The following GABBR2 variants were observed in gnomAD, a reference collection of about 807,000 sequenced individuals.
The protein encoded by GABBR2 is G-protein coupled receptor 51.
In GABBR2, 23 loss-of-function variants were observed where a neutral mutation model predicts 105.6. The ratio of observed to expected loss-of-function variants is 0.22; its 90% CI spans 0.16 to 0.31. GABBR2 has a LOEUF of 0.31. Ranked by LOEUF, GABBR2 falls within the 10% of genes least tolerant of loss-of-function variation. The pLI is 1.00. For synonymous variants in GABBR2, 478 were observed against 499.7 expected, an observed-to-expected ratio of 0.96 and a Z score of 0.58; for missense variants, 734 against 1,245.5, an observed-to-expected ratio of 0.59 and a Z score of 6.18.
chr9:98,522,200 G>C (rs1445095435), intron 3 of GABBR2, among the ~76,000 whole-genome samples: 1 of 152,028 alleles, frequency 6.6e-6, no homozygotes, highest in African/African-American at 2.4e-5. Flanking sequence ...CTCACAATGT[G>C]AAGGAAAAGG....
At chr9:98,578,639 T>A (rs1828954727) in intron 1 of GABBR2, among the ~76,000 whole-genome samples, 1 of 152,146 alleles carries the variant, frequency 6.6e-6, no homozygotes, top group African/African-American at 2.4e-5. Flanking sequence ...AGGCAGGGAC[T>A]TGAAGAGATA....
At chr9:98,364,938 AC>A (rs1831649964) in intron 12 of GABBR2, among the ~76,000 whole-genome samples, 1 of 152,094 alleles carries the variant, frequency 6.6e-6, no homozygotes, top group Non-Finnish European at 1.5e-5. Context: ...AATTAAGTGG[AC>A]CTGAGTTAGA....
chr9:98,414,065 T>C (rs1832640446), intron 7 of GABBR2, among the ~76,000 whole-genome samples: 1 of 152,230 alleles, frequency 6.6e-6, no homozygotes, highest in Non-Finnish European at 1.5e-5. Flanking sequence ...AAAATCAACA[T>C]GGTCCTAGAT....
chr9:98,343,164 C>T (rs2131409798), intron 13 of GABBR2, among the ~76,000 whole-genome samples: 1 of 152,300 alleles, frequency 6.6e-6, no homozygotes, highest in South Asian at 2.1e-4. Context: ...CTGAAATATC[C>T]CTTTGTCCCA....
chr9:98,332,276 G>A (rs1831041252), intron 13 of GABBR2, among the ~76,000 whole-genome samples: 1 of 152,206 alleles, frequency 6.6e-6, no homozygotes, highest in African/African-American at 2.4e-5. Context: ...TTTGCTCTTG[G>A]CAGCAGTGCA....
At chr9:98,366,678 G>A (rs911791940) in intron 12 of GABBR2, among the ~76,000 whole-genome samples, 4 of 152,220 alleles carry the variant, frequency 2.6e-5, no homozygotes, top group African/African-American at 9.6e-5. Flanking sequence ...AATACAGCAT[G>A]GATGGTGCCC....
At chr9:98,510,355 G>A (rs1189342156) in intron 3 of GABBR2, among the ~76,000 whole-genome samples, 1 of 152,208 alleles carries the variant, frequency 6.6e-6, no homozygotes, top group South Asian at 2.1e-4. Flanking sequence ...GGAAGAAACT[G>A]CATCAACTAA....
intron 1 of GABBR2, among the ~76,000 whole-genome samples, chr9:98,592,494 G>A (rs1325260924): frequency 6.6e-6 from 1 of 152,170 alleles, no homozygotes; most frequent in African/African-American, 2.4e-5. Flanking sequence ...AACAGAGGAG[G>A]AAAGACAGGT....
intron 1 of GABBR2, among the ~76,000 whole-genome samples, chr9:98,593,870 C>T (rs1202087765): frequency 6.6e-6 from 1 of 152,172 alleles, no homozygotes; most frequent in African/African-American, 2.4e-5. Context: ...TTATGTGCCT[C>T]GCTTGTCCTC....
chr9:98,435,997 C>G (rs1220111799), intron 7 of GABBR2, among the ~76,000 whole-genome samples: 1 of 151,822 alleles, frequency 6.6e-6, no homozygotes, highest in Non-Finnish European at 1.5e-5. Context: ...TCTGTTTCCT[C>G]CTGGGTACAG....
chr9:98,352,965 G>T (rs1399884296), intron 13 of GABBR2, among the ~76,000 whole-genome samples: 1 of 152,086 alleles, frequency 6.6e-6, no homozygotes, highest in Non-Finnish European at 1.5e-5. Context: ...GTGGGTGCTG[G>T]GCTCTCAAAA....
intron 7 of GABBR2, among the ~76,000 whole-genome samples, chr9:98,435,537 C>T (rs2131578869): frequency 6.6e-6 from 1 of 152,276 alleles, no homozygotes; most frequent in Non-Finnish European, 1.5e-5. Context: ...ACCTGCTCTC[C>T]CCACCACAGC....
intron 7 of GABBR2, among the ~76,000 whole-genome samples, chr9:98,414,727 T>G (rs988863407): frequency 2.0e-5 from 3 of 151,836 alleles, no homozygotes; most frequent in Non-Finnish European, 4.4e-5. Flanking sequence ...GGTGCGGCCA[T>G]GTGACAGTCC....
chr9:98,491,344 T>A (rs1285236112), intron 4 of GABBR2, among the ~76,000 whole-genome samples: 16 of 152,206 alleles, frequency 1.1e-4, no homozygotes. Flanking sequence ...GTTTATCTGA[T>A]GTAAATAGCT....
At chr9:98,458,883 T>C (rs1404034686) in intron 6 of GABBR2, among the ~76,000 whole-genome samples, 1 of 152,230 alleles carries the variant, frequency 6.6e-6, no homozygotes, top group Admixed American at 6.5e-5. Context: ...GGATAATTAT[T>C]GGATCTTTTC....
At chr9:98,346,426 T>C (rs1564025846) in intron 13 of GABBR2, among the ~76,000 whole-genome samples, 1 of 152,218 alleles carries the variant, frequency 6.6e-6, no homozygotes, top group African/African-American at 2.4e-5. Context: ...ATGAAAGTTA[T>C]TTTTTCCTTT....
chr9:98,526,558 A>G (rs1004140519), intron 3 of GABBR2, among the ~76,000 whole-genome samples: 2 of 152,146 alleles, frequency 1.3e-5, no homozygotes, highest in Non-Finnish European at 2.9e-5. Context: ...AGCACTTGTT[A>G]TCATCTGACA....
intron 13 of GABBR2, among the ~76,000 whole-genome samples, chr9:98,359,572 T>C (rs1831546636): frequency 6.6e-6 from 1 of 152,188 alleles, no homozygotes; most frequent in Non-Finnish European, 1.5e-5. Flanking sequence ...CAGGGTGAAT[T>C]GCTTCCATGG....
At chr9:98,657,103 TA>T (rs1830194325) in intron 1 of GABBR2, among the ~76,000 whole-genome samples, 1 of 152,250 alleles carries the variant, frequency 6.6e-6, no homozygotes, top group African/African-American at 2.4e-5. Context: ...GGGCCACGTT[TA>T]CCTGTGGTAA....
Sources: gnomAD v4.1 joint callset for allele counts (sites outside exome capture counted in the v4.1 genomes callset) on GRCh38, gnomAD v4.1.1 for gene constraint, MANE v1.5 for transcripts, NCBI Gene and HGNC (gene_info 2026-07-23, HGNC 2026-07-21) for gene names.